HSD17B12: variants seen among roughly 807,000 people sequenced by gnomAD.
HSD17B12 encodes very-long-chain 3-oxoacyl-CoA reductase.
HSD17B12 carries 32 observed loss-of-function variants against 39.3 expected under a neutral mutation model. The observed-to-expected ratio is 0.81, with a 90% confidence interval of 0.61 to 1.09. HSD17B12 has a LOEUF of 1.09. Among genes scored for constraint, HSD17B12 ranks in the 50% least tolerant of loss-of-function variants. HSD17B12 has a pLI of 0.00. For synonymous variants in HSD17B12, 150 were observed against 146.7 expected, an observed-to-expected ratio of 1.02 and a Z score of -0.16; for missense variants, 342 against 382.9, an observed-to-expected ratio of 0.89 and a Z score of 0.89.
the HSD17B12 span, among the ~76,000 whole-genome samples, chr11:43,638,335 G>A: frequency 4.6e-5 from 7 of 152,122 alleles, no homozygotes; most frequent in African/African-American, 1.7e-4. Flanking sequence ...TTCATGTTAG[G>A]ATGAAGGGAA....
the HSD17B12 span, among the ~76,000 whole-genome samples, chr11:43,564,064 C>T: frequency 6.6e-6 from 1 of 152,094 alleles, no homozygotes; most frequent in South Asian, 2.1e-4. Flanking sequence ...CCAGGCTATT[C>T]TCAAGCTCCT....
chr11:43,688,986 A>G (rs1949828289), intron 1 of HSD17B12, among the ~76,000 whole-genome samples: 1 of 152,188 alleles, frequency 6.6e-6, no homozygotes, highest in Non-Finnish European at 1.5e-5. Context: ...GGATTGTTGA[A>G]ACTAAGAAAT....
chr11:43,671,341 A>G, the HSD17B12 span, among the ~76,000 whole-genome samples: 2 of 151,974 alleles, frequency 1.3e-5, no homozygotes, highest in Non-Finnish European at 2.9e-5. Context: ...CACCACACCC[A>G]GCTAATTTTT....
chr11:43,619,245 A>ATATATATATATG, the HSD17B12 span, among the ~76,000 whole-genome samples: 1 of 70,722 alleles, frequency 1.4e-5, no homozygotes, highest in Non-Finnish European at 3.0e-5. Context: ...ATATATATAA[A>ATATATATATATG]ATATATATAT....
the HSD17B12 span, among the ~76,000 whole-genome samples, chr11:43,589,446 T>C: frequency 6.6e-6 from 1 of 152,210 alleles, no homozygotes; most frequent in Non-Finnish European, 1.5e-5. Flanking sequence ...CTGAACCTGT[T>C]GAACACATCT....
intron 3 of HSD17B12, among the ~76,000 whole-genome samples, chr11:43,784,897 A>G (rs567955273): frequency 6.6e-6 from 1 of 152,306 alleles, no homozygotes. Flanking sequence ...ATTTCTTAAT[A>G]ACAGAACTTT....
chr11:43,772,107 A>G (rs1950656193), intron 3 of HSD17B12, among the ~76,000 whole-genome samples: 2 of 152,156 alleles, frequency 1.3e-5, no homozygotes, highest in Admixed American at 1.3e-4. Flanking sequence ...TCAACCTACA[A>G]AATTTTATCT....
chr11:43,629,760 A>C, the HSD17B12 span, among the ~76,000 whole-genome samples: 1 of 152,360 alleles, frequency 6.6e-6, no homozygotes, highest in South Asian at 2.1e-4. Context: ...CAGCCACAGC[A>C]AAACCTGATG....
intron 6 of HSD17B12, chr11:43,830,505 CTT>C (rs1236261393): frequency 1.3e-5 from 2 of 152,432 alleles, no homozygotes; most frequent in African/African-American, 4.8e-5. Flanking sequence ...TGAAGTTACA[CTT>C]ACTCTTTGCC....
chr11:43,827,743 C>T (rs6485469), intron 6 of HSD17B12, among the ~76,000 whole-genome samples: 99,810 of 152,036 alleles, frequency 0.66, 33,089 homozygotes, highest in East Asian at 0.76. Context: ...TCTAATAGTA[C>T]TGATTTTGAT....
At chr11:43,583,835 C>G in the HSD17B12 span, among the ~76,000 whole-genome samples, 2 of 152,138 alleles carry the variant, frequency 1.3e-5, no homozygotes, top group Non-Finnish European at 2.9e-5. Flanking sequence ...AGCAGCACCT[C>G]AGGAACCCTC....
chr11:43,655,386 A>G, the HSD17B12 span, among the ~76,000 whole-genome samples: 2 of 152,314 alleles, frequency 1.3e-5, no homozygotes, highest in Admixed American at 6.5e-5. Flanking sequence ...TCCTAATTGA[A>G]TGCCCTTTAT....
intron 2 of HSD17B12, 112 bp downstream of exon 2, chr11:43,751,069 A>G: frequency 1.5e-6 from 1 of 666,754 alleles, no homozygotes; most frequent in East Asian, 2.9e-5. Context: ...ATAATGTTGC[A>G]TGGTACAATA....
chr11:43,804,045 G>A (rs6485465), intron 4 of HSD17B12, among the ~76,000 whole-genome samples: 54,596 of 151,976 alleles, frequency 0.36, 10,539 homozygotes, highest in East Asian at 0.68. Context: ...AAAAGAGTAG[G>A]CTTGGCTTTT....
chr11:43,585,914 A>T, the HSD17B12 span, among the ~76,000 whole-genome samples: 13 of 152,336 alleles, frequency 8.5e-5, 1 homozygote, highest in Middle Eastern at 3.4e-3. Flanking sequence ...AAATCCATGG[A>T]TAGACTAAAC....
At position 43,833,887 on chromosome 11, in the gene HSD17B12, A is replaced by C. The variant is rs1024281001; in HGVS notation, c.536+2877A>C. The C allele has an allele frequency of 5.9e-5, 9 of 152,356 alleles. 1 individual carries two copies. Among genetic ancestry groups the C allele is most frequent in the Admixed American group, 1.3e-4 (2 of 15,310 alleles). The allele number at this position is 152,356 out of a possible 1,614,324, so 9.4% of individuals were successfully genotyped here. On this transcript the variant is annotated intron_variant, in intron 7 of 10. Coordinates refer to ENST00000278353, the MANE Select transcript of HSD17B12 (RefSeq NM_016142.3). ...TTGTTACCATAGATGTAGAAAGTAC[A>C]TAATTACATTATAGAGGAAAGTTGC... is the stretch of plus-strand genomic sequence containing the variant.
the HSD17B12 span, among the ~76,000 whole-genome samples, chr11:43,641,872 G>A: frequency 2.0e-5 from 3 of 151,828 alleles, no homozygotes; most frequent in Non-Finnish European, 3.0e-5. Context: ...CATTTTAAAT[G>A]CTTTGAAGTA....
the HSD17B12 span, among the ~76,000 whole-genome samples, chr11:43,669,878 CAT>C: frequency 2.0e-5 from 3 of 152,286 alleles, no homozygotes; most frequent in East Asian, 5.8e-4. Flanking sequence ...AGGACTTTAA[CAT>C]ATCTTTTAGG....
chr11:43,783,153 AT>A (rs1191885873), intron 3 of HSD17B12, among the ~76,000 whole-genome samples: 5 of 152,220 alleles, frequency 3.3e-5, no homozygotes, highest in Admixed American at 2.6e-4. Flanking sequence ...GCATTGGGTG[AT>A]TCTGACTTGG....
Sources: allele counts gnomAD v4.1 joint callset (sites outside exome capture counted in the v4.1 genomes callset), GRCh38; gene constraint gnomAD v4.1.1; transcripts MANE v1.5; gene names NCBI Gene and HGNC (gene_info 2026-07-23, HGNC 2026-07-21).